Variants in PCDH7 observed in about 807,000 individuals in gnomAD.
PCDH7 encodes the protein protocadherin 7.
Under a neutral mutation model 58.9 loss-of-function variants are expected in PCDH7, and 17 were observed. The observed-to-expected ratio is 0.29, with a 90% CI of 0.20 to 0.43. The LOEUF is 0.43. Ranked by LOEUF, PCDH7 falls within the 20% of genes least tolerant of loss-of-function variation. The pLI is 1.00. For synonymous variants in PCDH7, 664 were observed against 616.4 expected, an observed-to-expected ratio of 1.08 and a Z score of -1.14; for missense variants, 1,274 against 1,441.0, an observed-to-expected ratio of 0.88 and a Z score of 1.88.
intron 3 of PCDH7, among the ~76,000 whole-genome samples, chr4:31,081,295 A>C (rs1759479241): frequency 6.6e-6 from 1 of 152,360 alleles, no homozygotes; most frequent in South Asian, 2.1e-4. Flanking sequence ...CTTTTGAATA[A>C]GGAAATAACA....
chr4:31,054,956 C>T (rs1757030057), intron 3 of PCDH7, among the ~76,000 whole-genome samples: 1 of 152,106 alleles, frequency 6.6e-6, no homozygotes, highest in Non-Finnish European at 1.5e-5. Flanking sequence ...ATGTTATTTA[C>T]TAACTGCTGT....
At chr4:30,969,767 T>C (rs188532304) in intron 3 of PCDH7, among the ~76,000 whole-genome samples, 3 of 152,164 alleles carry the variant, frequency 2.0e-5, no homozygotes, top group African/African-American at 7.2e-5. Context: ...AAATTCAAAG[T>C]TTTTATTTTC....
chr4:30,753,861 G>A (rs1343987154), intron 1 of PCDH7, among the ~76,000 whole-genome samples: 1 of 152,054 alleles, frequency 6.6e-6, no homozygotes, highest in Non-Finnish European at 1.5e-5. Context: ...AATATGGAAT[G>A]ATATTGGAAG....
intron 3 of PCDH7, among the ~76,000 whole-genome samples, chr4:31,092,842 TTC>T (rs1222479238): frequency 1.3e-5 from 2 of 152,094 alleles, no homozygotes; most frequent in Non-Finnish European, 2.9e-5. Context: ...GCTTAGTTTG[TTC>T]TCATTTCTAT....
intron 1 of PCDH7, among the ~76,000 whole-genome samples, chr4:30,788,127 A>T (rs1171919490): frequency 6.6e-6 from 1 of 152,108 alleles, no homozygotes; most frequent in African/African-American, 2.4e-5. Flanking sequence ...GGGTGCTATT[A>T]TAGAAAAAAA....
intron 3 of PCDH7, among the ~76,000 whole-genome samples, chr4:30,962,036 T>G (rs1358699152): frequency 6.6e-6 from 1 of 152,206 alleles, no homozygotes; most frequent in Non-Finnish European, 1.5e-5. Flanking sequence ...AGTCAACACT[T>G]AAATTTATTT....
chr4:30,985,901 T>G (rs2109116356), intron 3 of PCDH7, among the ~76,000 whole-genome samples: 1 of 152,292 alleles, frequency 6.6e-6, no homozygotes, highest in Non-Finnish European at 1.5e-5. Flanking sequence ...TCTCTTTTGG[T>G]TTATTTAGAT....
intron 1 of PCDH7, among the ~76,000 whole-genome samples, chr4:30,892,240 T>C (rs1361819733): frequency 6.6e-6 from 1 of 151,992 alleles, no homozygotes; most frequent in Non-Finnish European, 1.5e-5. Context: ...CCTGTAGAAA[T>C]AATATGATTT....
At chr4:30,998,082 A>G (rs1196781554) in intron 3 of PCDH7, among the ~76,000 whole-genome samples, 1 of 152,200 alleles carries the variant, frequency 6.6e-6, no homozygotes, top group Non-Finnish European at 1.5e-5. Flanking sequence ...CACAAAGAAT[A>G]TGACTTTTGA....
chr4:30,755,125 C>T (rs1325030717), intron 1 of PCDH7, among the ~76,000 whole-genome samples: 1 of 152,130 alleles, frequency 6.6e-6, no homozygotes, highest in Non-Finnish European at 1.5e-5. Context: ...TTCTTATGTC[C>T]GTTTAAGATT....
intron 1 of PCDH7, among the ~76,000 whole-genome samples, chr4:30,730,559 G>C (rs1024796698): frequency 1.3e-5 from 2 of 152,100 alleles, no homozygotes; most frequent in Admixed American, 6.6e-5. Flanking sequence ...AAGCTCCCAG[G>C]TAGGATTCCT....
intron 3 of PCDH7, among the ~76,000 whole-genome samples, chr4:30,988,404 TA>T (rs1751174438): frequency 6.6e-6 from 1 of 152,200 alleles, no homozygotes; most frequent in Non-Finnish European, 1.5e-5. Flanking sequence ...TAAACAGTTG[TA>T]AACACTATAG....
rs386399674 is a variant in PCDH7 at position 30,779,003 on chromosome 4, GTTTTTTTTTTTTT to G, written c.70+54423_70+54435del. Among the ~76,000 whole-genome samples the G allele has an allele frequency of 2.8e-3, 201 of 73,008 alleles. 3 individuals carry two copies. The highest frequency in any genetic ancestry group is 0.01 in the Admixed American group (50 of 4,978). The allele number at this position is 73,008 out of a possible 152,430, so 47.9% of individuals were successfully genotyped here. ...TGATTCCAAATGGCCTCCTTACTCC[GTTTTTTTTTTTTT>G]TTTTTTTTTTTTTTTAAATGGAGAC... On this transcript the variant is annotated intron_variant, in intron 1 of 3. Coordinates refer to the PCDH7 transcript ENST00000509759.
chr4:30,942,244 T>G (rs1482727070), intron 2 of PCDH7, among the ~76,000 whole-genome samples: 1 of 152,022 alleles, frequency 6.6e-6, no homozygotes, highest in African/African-American at 2.4e-5. Context: ...TTATTTATTT[T>G]TTGCTTGCTC....
intron 3 of PCDH7, among the ~76,000 whole-genome samples, chr4:31,018,222 A>G (rs1560579492): frequency 1.3e-5 from 2 of 152,126 alleles, no homozygotes; most frequent in South Asian, 2.1e-4. Context: ...TTCTCCCTAT[A>G]TCACTACTTA....
chr4:30,726,267 T>C (rs1714596551), intron 1 of PCDH7, among the ~76,000 whole-genome samples: 1 of 152,030 alleles, frequency 6.6e-6, no homozygotes, highest in Non-Finnish European at 1.5e-5. Context: ...TAGTAACACC[T>C]AATGCAAAGG....
chr4:30,878,458 G>T (rs767364463), intron 1 of PCDH7, among the ~76,000 whole-genome samples: 11 of 152,086 alleles, frequency 7.2e-5, no homozygotes, highest in Non-Finnish European at 1.0e-4. Context: ...TGAAGATTGA[G>T]GACAGCCAAT....
At chr4:30,880,165 G>A (rs570321895) in intron 1 of PCDH7, among the ~76,000 whole-genome samples, 1 of 152,030 alleles carries the variant, frequency 6.6e-6, no homozygotes, top group Non-Finnish European at 1.5e-5. Context: ...AGAGAGCCAA[G>A]AGGTTTAACT....
At position 31,129,395 on chromosome 4, in the gene PCDH7, C is replaced by T. The variant is rs977992920; in HGVS notation, c.*8-13078C>T. On this transcript the variant is annotated intron_variant, in intron 3 of 3. Transcript: ENST00000509759. The stretch of plus-strand genomic sequence containing the variant: ...AAGTCAAGGAATAGCAGAAGAAACA[C>T]ATTAATATCATGAATACATTGAACA... Among the ~76,000 whole-genome samples the T allele has an allele frequency of 5.9e-5, 9 of 152,218 alleles. No individual in the cohort carries two copies. The South Asian group carries it at 1.9e-3, about 32-fold the overall frequency.
Sources: allele counts gnomAD v4.1 joint callset (sites outside exome capture counted in the v4.1 genomes callset), GRCh38; gene constraint gnomAD v4.1.1; transcripts MANE v1.5; gene names NCBI Gene and HGNC (gene_info 2026-07-23, HGNC 2026-07-21).